PDE4D: variants seen among roughly 807,000 people sequenced by gnomAD.
PDE4D encodes the protein phosphodiesterase 4D, also known as 3',5'-cyclic-AMP phosphodiesterase 4D.
In PDE4D, 24 loss-of-function variants were observed where a neutral mutation model predicts 87.4. That is an observed-to-expected ratio of 0.27 (90% CI 0.20 to 0.39). The LOEUF (loss-of-function observed/expected upper bound fraction) is 0.39. Ranked by LOEUF, PDE4D falls within the 10% of genes least tolerant of loss-of-function variation. The pLI is 1.00. For missense variants in PDE4D, 714 were observed against 1,041.0 expected, an observed-to-expected ratio of 0.69 and a Z score of 4.32; for synonymous variants, 384 against 383.2, an observed-to-expected ratio of 1.00 and a Z score of -0.02.
At chr5:59,076,487 A>C (rs1242861637) in intron 5 of PDE4D, among the ~76,000 whole-genome samples, 1 of 152,184 alleles carries the variant, frequency 6.6e-6, no homozygotes, top group African/African-American at 2.4e-5. Flanking sequence ...AACAATGAAA[A>C]TGTGGAATGT....
chr5:59,157,254 T>C, intron 5 of PDE4D: 1 of 701,264 alleles, frequency 1.4e-6, no homozygotes, highest in Non-Finnish European at 2.6e-6. Flanking sequence ...TGCATTGTTT[T>C]CAAAGTGACT....
At chr5:60,267,644 C>A (rs1337569498) in intron 1 of PDE4D, among the ~76,000 whole-genome samples, 1 of 152,130 alleles carries the variant, frequency 6.6e-6, no homozygotes, top group Non-Finnish European at 1.5e-5. Flanking sequence ...TTGGAGGCAT[C>A]AAAAAAGTTC....
Position 59,872,387 on chromosome 5 carries a change from C to A in PDE4D, c.455+20781G>T, listed in dbSNP as rs374897067. On this transcript the variant is annotated intron_variant, in intron 1 of 14. Coordinates refer to ENST00000340635, the MANE Select transcript of PDE4D (RefSeq NM_001104631.2). ...AAATGAAGGTTCTTTCACAAATCAG[C>A]AAGTTTTTTGCAATAAAAAGCTACT... Among the ~76,000 whole-genome samples the A allele has an allele frequency of 5.9e-5, 9 of 151,926 alleles. No individual in the cohort carries two copies. The East Asian group carries it at 1.7e-3, about 29-fold the overall frequency.
At chr5:60,256,803 T>C (rs1270420664) in intron 1 of PDE4D, among the ~76,000 whole-genome samples, 2 of 151,972 alleles carry the variant, frequency 1.3e-5, no homozygotes, top group African/African-American at 4.8e-5. Context: ...ATGGGTTTGC[T>C]TCTTGGGAAG....
chr5:59,967,325 A>G (rs1357074155), intron 3 of PDE4D, among the ~76,000 whole-genome samples: 2 of 152,158 alleles, frequency 1.3e-5, no homozygotes, highest in African/African-American at 2.4e-5. Context: ...AGTAAACAGA[A>G]GACCTGCAAA....
intron 1 of PDE4D, among the ~76,000 whole-genome samples, chr5:59,771,463 AAG>A (rs1561636971): frequency 1.5e-4 from 11 of 72,962 alleles, no homozygotes; most frequent in African/African-American, 6.0e-4. Context: ...GAAAGAAAGA[AAG>A]AAAGAAAGAA....
Position 59,893,335 on chromosome 5 carries a change from G to C in PDE4D, c.288C>G (p.Ala96=). Residue 96 remains alanine (A), a synonymous_variant, in exon 1 of 15, where the codon GCC becomes GCG. Coordinates refer to ENST00000340635, the MANE Select transcript of PDE4D (RefSeq NM_001104631.2). ...GGACGCGGCCGGTGGCCCCGCTCGA[G>C]GCGTAGCGGCCGCGGGCAGCCCCGG... ...PPPGAARGRY[A]SSGATGRVRH... The C allele has an allele frequency of 4.0e-6, 6 of 1,486,580 alleles. No individual in the cohort carries two copies. Among genetic ancestry groups the C allele is most frequent in the Non-Finnish European group, 5.4e-6 (6 of 1,114,524 alleles). 92.1% of individuals were successfully genotyped at this position (1,486,580 alleles called of 1,614,324 possible).
intron 5 of PDE4D, among the ~76,000 whole-genome samples, chr5:59,075,807 T>C (rs1765601044): frequency 6.6e-6 from 1 of 152,158 alleles, no homozygotes; most frequent in African/African-American, 2.4e-5. Context: ...TCCTTATAAC[T>C]TACTTATTAA....
chr5:58,979,839 T>C (rs1744676769), intron 11 of PDE4D, among the ~76,000 whole-genome samples: 1 of 152,180 alleles, frequency 6.6e-6, no homozygotes, highest in Non-Finnish European at 1.5e-5. Flanking sequence ...TACAAATCTT[T>C]TAATCGTTCC....
intron 1 of PDE4D, among the ~76,000 whole-genome samples, chr5:60,473,167 GGAA>G (rs1747976764): frequency 9.3e-6 from 1 of 107,310 alleles, no homozygotes. Flanking sequence ...AAGGAAGGAA[GGAA>G]GGAAGGAAGG....
At chr5:59,441,201 C>T (rs191511234) in intron 1 of PDE4D, among the ~76,000 whole-genome samples, 61 of 152,188 alleles carry the variant, frequency 4.0e-4, no homozygotes, top group Middle Eastern at 6.8e-3. Context: ...CTCCAGCAAT[C>T]CTCCCAGCTC....
chr5:59,179,175 C>T (rs1213662299), intron 5 of PDE4D, among the ~76,000 whole-genome samples: 3 of 152,134 alleles, frequency 2.0e-5, no homozygotes, highest in South Asian at 2.1e-4. Context: ...GGCGCGATCT[C>T]GGCTCACTGC....
At chr5:60,193,689 A>AAG (rs1554183269) in intron 1 of PDE4D, among the ~76,000 whole-genome samples, 4 of 147,046 alleles carry the variant, frequency 2.7e-5, no homozygotes, top group African/African-American at 1.0e-4. Flanking sequence ...AAAAAAAAAA[A>AAG]AAAGAAAGAA....
intron 1 of PDE4D, among the ~76,000 whole-genome samples, chr5:59,687,467 C>T (rs967929774): frequency 6.6e-6 from 1 of 152,152 alleles, no homozygotes; most frequent in African/African-American, 2.4e-5. Context: ...CATATCCAGC[C>T]AAACTAAGTT....
intron 3 of PDE4D, among the ~76,000 whole-genome samples, chr5:59,983,020 T>A (rs1225196789): frequency 6.6e-6 from 1 of 152,214 alleles, no homozygotes; most frequent in African/African-American, 2.4e-5. Flanking sequence ...TTCCTACTTT[T>A]GCTTTTTTAA....
At chr5:59,909,971 A>T (rs569858917) in intron 3 of PDE4D, among the ~76,000 whole-genome samples, 1 of 151,768 alleles carries the variant, frequency 6.6e-6, no homozygotes, top group South Asian at 2.1e-4. Context: ...CCCCATATAT[A>T]CCCCCCACCA....
At chr5:60,127,839 A>G (rs1237043995) in intron 2 of PDE4D, among the ~76,000 whole-genome samples, 1 of 152,190 alleles carries the variant, frequency 6.6e-6, no homozygotes, top group East Asian at 1.9e-4. Flanking sequence ...TCCTTAGTAT[A>G]TAAGTGATCA....
chr5:59,951,823 A>C (rs1226906907), intron 3 of PDE4D, among the ~76,000 whole-genome samples: 4 of 152,134 alleles, frequency 2.6e-5, no homozygotes, highest in African/African-American at 7.2e-5. Context: ...AAGATTATAA[A>C]AATATAGAGA....
chr5:60,070,576 G>A (rs1243668602), intron 2 of PDE4D, among the ~76,000 whole-genome samples: 1 of 151,908 alleles, frequency 6.6e-6, no homozygotes, highest in Admixed American at 6.6e-5. Context: ...CCCTTAATGT[G>A]CTCTTGGATT....
Sources: gnomAD v4.1 joint callset for allele counts (sites outside exome capture counted in the v4.1 genomes callset) on GRCh38, gnomAD v4.1.1 for gene constraint, MANE v1.5 for transcripts, NCBI Gene and HGNC (gene_info 2026-07-23, HGNC 2026-07-21) for gene names.